EXOSC7: variants seen among roughly 807,000 people sequenced by gnomAD.
EXOSC7 encodes exosome component 7.
In EXOSC7, 25 loss-of-function variants were observed where a neutral mutation model predicts 34.3. The observed-to-expected ratio is 0.73, with a 90% CI of 0.53 to 1.02. The LOEUF is 1.02. Ranked by LOEUF, EXOSC7 falls within the 50% of genes least tolerant of loss-of-function variation. The pLI, the probability that EXOSC7 is intolerant of heterozygous loss-of-function variation, is 0.00. For synonymous variants in EXOSC7, 130 were observed against 143.0 expected, an observed-to-expected ratio of 0.91 and a Z score of 0.65; for missense variants, 370 against 368.5, an observed-to-expected ratio of 1.00 and a Z score of -0.03.
chr3:45,003,219 A>G (rs1445973569), intron 5 of EXOSC7, among the ~76,000 whole-genome samples: 1 of 152,136 alleles, frequency 6.6e-6, no homozygotes, highest in Non-Finnish European at 1.5e-5. Context: ...TGGAGAGACT[A>G]TTGGCATATT....
chr3:44,992,777 C>T (rs1269276110), intron 3 of EXOSC7, among the ~76,000 whole-genome samples: 2 of 152,000 alleles, frequency 1.3e-5, no homozygotes, highest in Non-Finnish European at 2.9e-5. Context: ...CACTAGGCGG[C>T]GAGCCATCAA....
intron 6 of EXOSC7, 99 bp from the exon 7 acceptor site, chr3:45,007,321 T>C (rs1707076159): frequency 7.9e-7 from 1 of 1,271,392 alleles, no homozygotes; most frequent in South Asian, 1.4e-5. Flanking sequence ...CCAGTGCAAA[T>C]ACTTTTGCCT....
chr3:44,997,035 C>CTT, intron 3 of EXOSC7, 52 bp from the exon 4 acceptor site: 1 of 1,578,410 alleles, frequency 6.3e-7, no homozygotes, highest in Non-Finnish European at 8.7e-7. Context: ...TGCCTCTTTG[C>CTT]TTTTTGCACT....
chr3:44,989,172 G>A lies in EXOSC7; in HGVS notation c.90G>A (p.Glu30=). The A allele has an allele frequency of 6.2e-7, 1 of 1,614,126 alleles. No homozygotes were observed. Among genetic ancestry groups the A allele is most frequent in the Non-Finnish European group, 8.5e-7 (1 of 1,180,010 alleles). The change falls in exon 2 of 8, where the codon GAG becomes GAA. Residue 30 remains glutamate, a synonymous_variant. Coordinates refer to ENST00000265564, the MANE Select transcript of EXOSC7 (RefSeq NM_015004.4). The part of the protein sequence containing the change: ...EDLRVDGRGC[E]DYRCVEVETD... ...TCCGTGTGGATGGCCGTGGCTGTGA[G>A]GACTACCGATGTGTCGAAGTGGAAA...
chr3:45,006,764 A>T (rs1448858319), intron 6 of EXOSC7, among the ~76,000 whole-genome samples: 1 of 151,764 alleles, frequency 6.6e-6, no homozygotes, highest in Non-Finnish European at 1.5e-5. Context: ...GTGCAGTAGC[A>T]CAATCTAGGC....
At chr3:44,981,866 A>G (rs1487819477) in intron 1 of EXOSC7, among the ~76,000 whole-genome samples, 3 of 152,178 alleles carry the variant, frequency 2.0e-5, no homozygotes, top group Non-Finnish European at 2.9e-5. Context: ...CCTGGGTGAC[A>G]GAGAGATACT....
chr3:45,006,776 C>G (rs1334637353), intron 6 of EXOSC7, among the ~76,000 whole-genome samples: 2 of 151,852 alleles, frequency 1.3e-5, no homozygotes, highest in Non-Finnish European at 2.9e-5. Context: ...AATCTAGGCT[C>G]ACTGCAACCT....
chr3:45,002,137 T>C (rs1706899107), intron 5 of EXOSC7: 1 of 152,550 alleles, frequency 6.6e-6, no homozygotes, highest in African/African-American at 2.4e-5. Flanking sequence ...AAACAGGTTG[T>C]GTAGAAGGGA....
chr3:44,984,781 A>G (rs763080477), intron 1 of EXOSC7, among the ~76,000 whole-genome samples: 7 of 152,264 alleles, frequency 4.6e-5, no homozygotes, highest in Non-Finnish European at 1.0e-4. Flanking sequence ...TTCCTTGCAC[A>G]TTATCTGGTA....
At chr3:44,989,351 C>T (rs907016741) in intron 2 of EXOSC7, 110 bp downstream of exon 2, 6 of 953,364 alleles carry the variant, frequency 6.3e-6, no homozygotes, top group East Asian at 2.6e-5. Context: ...TTGGGGAAAT[C>T]GAAGATCCGA....
At position 44,978,303 on chromosome 3, in the gene EXOSC7, A is replaced by AT. The variant is rs779575167; in HGVS notation, c.57+1978dup. ...GTGAGAGCCCATCTCTAAAGAAATA[A>AT]TTTTTTTTTAATAAATAAAAAGAAT... On this transcript the variant is annotated intron_variant, in intron 1 of 7. Coordinates refer to ENST00000265564, the MANE Select transcript of EXOSC7 (RefSeq NM_015004.4). Among the ~76,000 whole-genome samples the AT allele has an allele frequency of 1.8e-3, 270 of 151,794 alleles. 1 individual carries two copies. The highest frequency in any genetic ancestry group is 6.8e-3 in the Middle Eastern group (2 of 294).
rs1261346832 is a variant in EXOSC7 at position 45,001,503 on chromosome 3, G to GT, written c.421-27dup. The GT allele has an allele frequency of 2.9e-5, 45 of 1,540,330 alleles. No individual in the cohort carries two copies. The Middle Eastern group carries it at 6.8e-4, about 23-fold the overall frequency. On this transcript the variant is annotated intron_variant, in intron 4 of 7. Transcript: ENST00000265564. ...TACCTAAAGTAATAAGTGATGCTTG[G>GT]TTTTTTTTCCTTTTTCAATTCCTGT...
At chr3:44,996,357 G>A (rs1706721976) in intron 3 of EXOSC7, among the ~76,000 whole-genome samples, 1 of 152,084 alleles carries the variant, frequency 6.6e-6, no homozygotes, top group African/African-American at 2.4e-5. Flanking sequence ...GGCTAATGTT[G>A]AATCCTGTTA....
intron 3 of EXOSC7, among the ~76,000 whole-genome samples, chr3:44,994,428 AT>A (rs1416589223): frequency 2.7e-5 from 4 of 150,910 alleles, no homozygotes; most frequent in Admixed American, 2.0e-4. Flanking sequence ...CACAGCTTCC[AT>A]CATTCTCTAT....
At chr3:44,986,720 T>G (rs1035738255) in intron 1 of EXOSC7, among the ~76,000 whole-genome samples, 2 of 152,194 alleles carry the variant, frequency 1.3e-5, no homozygotes, top group Admixed American at 1.3e-4. Context: ...ACCTTCCACC[T>G]GATTTGTGAT....
intron 3 of EXOSC7, among the ~76,000 whole-genome samples, chr3:44,992,116 T>C (rs1706590427): frequency 6.6e-6 from 1 of 152,182 alleles, no homozygotes; most frequent in Non-Finnish European, 1.5e-5. Context: ...AGGAATGGCT[T>C]CTGGACACCC....
chr3:45,007,652 T>A, intron 7 of EXOSC7, 77 bp downstream of exon 7: 1 of 1,410,670 alleles, frequency 7.1e-7, no homozygotes, highest in Non-Finnish European at 9.5e-7. Context: ...GGTCATACCG[T>A]GGGGATTCTC....
chr3:44,993,602 C>G (rs1443726003), intron 3 of EXOSC7, among the ~76,000 whole-genome samples: 1 of 152,004 alleles, frequency 6.6e-6, no homozygotes, highest in Non-Finnish European at 1.5e-5. Flanking sequence ...GGAGGGGTAG[C>G]ATTCCCAGGA....
intron 3 of EXOSC7, among the ~76,000 whole-genome samples, chr3:44,994,232 T>C (rs1263892678): frequency 6.9e-6 from 1 of 145,710 alleles, no homozygotes; most frequent in Non-Finnish European, 1.5e-5. Flanking sequence ...GGTGTCTAGC[T>C]CATGCTAAAC....
Sources: allele counts gnomAD v4.1 joint callset (sites outside exome capture counted in the v4.1 genomes callset), GRCh38; gene constraint gnomAD v4.1.1; transcripts MANE v1.5; gene names NCBI Gene and HGNC (gene_info 2026-07-23, HGNC 2026-07-21).